TBC1D1: variants seen among roughly 807,000 people sequenced by gnomAD.
The protein encoded by TBC1D1 is TBC1 domain family member 1.
A neutral mutation model predicts 125.6 loss-of-function variants in TBC1D1; 89 were observed. That is an observed-to-expected ratio of 0.71 (90% CI 0.60 to 0.85). The LOEUF is 0.85. Among genes scored for constraint, TBC1D1 ranks in the 40% least tolerant of loss-of-function variants. The pLI, the probability that TBC1D1 is intolerant of heterozygous loss-of-function variation, is 0.00. For synonymous variants in TBC1D1, 565 were observed against 564.1 expected (o/e 1.00, Z -0.02); for missense variants, 1,377 against 1,469.2 (o/e 0.94, Z 1.03).
chr4:38,093,000 A>G (rs961733729), intron 13 of TBC1D1, among the ~76,000 whole-genome samples: 1 of 152,146 alleles, frequency 6.6e-6, no homozygotes, highest in African/African-American at 2.4e-5. Context: ...AGAGAACACA[A>G]ACTCCACACA....
intron 12 of TBC1D1, among the ~76,000 whole-genome samples, chr4:38,084,451 C>T (rs1410997775): frequency 1.3e-5 from 2 of 152,220 alleles, no homozygotes; most frequent in Non-Finnish European, 2.9e-5. Context: ...GCAGGGAACA[C>T]AGAAATCTCT....
At chr4:38,005,350 A>G (rs1350093540) in intron 2 of TBC1D1, among the ~76,000 whole-genome samples, 1 of 152,202 alleles carries the variant, frequency 6.6e-6, no homozygotes, top group Non-Finnish European at 1.5e-5. Flanking sequence ...TGAGATCGTA[A>G]GGTGCTGGCT....
At chr4:38,092,685 A>G (rs1035141915) in intron 13 of TBC1D1, among the ~76,000 whole-genome samples, 1 of 151,836 alleles carries the variant, frequency 6.6e-6, no homozygotes, top group Non-Finnish European at 1.5e-5. Flanking sequence ...CAGTGAGCCA[A>G]GATGGTGCCA....
intron 12 of TBC1D1, among the ~76,000 whole-genome samples, chr4:38,065,467 A>G (rs967115226): frequency 3.3e-5 from 5 of 152,258 alleles, no homozygotes; most frequent in African/African-American, 9.6e-5. Context: ...TAAACAGCAC[A>G]TTGAAAATTA....
At chr4:37,957,502 C>G (rs1253321583) in intron 2 of TBC1D1, among the ~76,000 whole-genome samples, 1 of 152,126 alleles carries the variant, frequency 6.6e-6, no homozygotes, top group Non-Finnish European at 1.5e-5. Flanking sequence ...GCCTGTAGTC[C>G]TAGGTACTCA....
chr4:38,085,743 A>G (rs1355682691), intron 12 of TBC1D1, among the ~76,000 whole-genome samples: 2 of 152,134 alleles, frequency 1.3e-5, no homozygotes, highest in Non-Finnish European at 2.9e-5. Flanking sequence ...TCCTTAGACC[A>G]CCTAACGCAT....
chr4:38,121,596 C>A (rs1302255517), intron 17 of TBC1D1, among the ~76,000 whole-genome samples: 2 of 152,222 alleles, frequency 1.3e-5, no homozygotes, highest in Non-Finnish European at 2.9e-5. Flanking sequence ...AGCTAGGCTA[C>A]TGCCTCACTG....
chr4:38,032,861 A>G (rs1255202260), intron 7 of TBC1D1, among the ~76,000 whole-genome samples: 1 of 151,748 alleles, frequency 6.6e-6, no homozygotes, highest in Non-Finnish European at 1.5e-5. Context: ...AAAAAAAGAA[A>G]GAAAGAATTA....
At chr4:38,052,188 T>G in intron 11 of TBC1D1, 128 bp downstream of exon 12, 2 of 603,406 alleles carry the variant, frequency 3.3e-6, no homozygotes, top group Non-Finnish European at 5.1e-6. Flanking sequence ...TGTGTGTGTG[T>G]GTGTGTGCGC....
chr4:38,126,101 ATGT>A (rs1376495574), intron 18 of TBC1D1, among the ~76,000 whole-genome samples: 1 of 152,216 alleles, frequency 6.6e-6, no homozygotes, highest in African/African-American at 2.4e-5. Context: ...ACACCTACAC[ATGT>A]TGTTCCTAGG....
intron 14 of TBC1D1, among the ~76,000 whole-genome samples, chr4:38,097,899 T>A (rs996099640): frequency 6.6e-6 from 1 of 152,170 alleles, no homozygotes; most frequent in African/African-American, 2.4e-5. Flanking sequence ...TCATGGGAAG[T>A]TATTGTTTGT....
intron 11 of TBC1D1, among the ~76,000 whole-genome samples, 160 bp downstream of exon 11, chr4:38,050,058 C>T (rs1157705335): frequency 6.6e-6 from 1 of 152,176 alleles, no homozygotes; most frequent in Non-Finnish European, 1.5e-5. Context: ...GTTCGAGCTG[C>T]TTGTGAGTAT....
At chr4:37,976,848 T>G (rs1442173696) in intron 2 of TBC1D1, among the ~76,000 whole-genome samples, 1 of 152,230 alleles carries the variant, frequency 6.6e-6, no homozygotes, top group Non-Finnish European at 1.5e-5. Flanking sequence ...GCCCCACTTT[T>G]GGTCTCAATG....
At chr4:38,094,883 C>CAAA (rs528226098) in intron 13 of TBC1D1, among the ~76,000 whole-genome samples, 37 of 61,000 alleles carry the variant, frequency 6.1e-4, no homozygotes, top group African/African-American at 1.3e-3. Context: ...AAATCACAGC[C>CAAA]AAAAAAAAAA....
chr4:38,081,850 T>G (rs1180339950), intron 12 of TBC1D1, among the ~76,000 whole-genome samples: 2 of 152,206 alleles, frequency 1.3e-5, no homozygotes, highest in African/African-American at 4.8e-5. Context: ...ATCAGTTGCC[T>G]GCTCCTTTTC....
At chr4:37,912,029 C>T (rs1718731123) in intron 2 of TBC1D1, among the ~76,000 whole-genome samples, 1 of 152,214 alleles carries the variant, frequency 6.6e-6, no homozygotes, top group South Asian at 2.1e-4. Flanking sequence ...ATAGGTTATA[C>T]TGAACAGTGG....
intron 7 of TBC1D1, among the ~76,000 whole-genome samples, chr4:38,035,080 AAAG>A (rs1418661151): frequency 6.6e-6 from 1 of 152,148 alleles, no homozygotes; most frequent in Non-Finnish European, 1.5e-5. Context: ...TTTTTTAAAG[AAAG>A]AAGAAAGAAA....
At chr4:38,027,953 A>G in intron 7 of TBC1D1, 74 bp downstream of exon 7, 1 of 1,165,630 alleles carries the variant, frequency 8.6e-7, no homozygotes, top group Non-Finnish European at 1.2e-6. Flanking sequence ...ATGTGTAAAA[A>G]ATAGCAAACC....
chr4:38,076,551 G>A (rs1755630333), intron 12 of TBC1D1, among the ~76,000 whole-genome samples: 2 of 152,110 alleles, frequency 1.3e-5, no homozygotes, highest in South Asian at 4.2e-4. Context: ...TCTTAAGGGT[G>A]GTTCCAGACC....
Sources: gnomAD v4.1 joint callset for allele counts (sites outside exome capture counted in the v4.1 genomes callset) on GRCh38, gnomAD v4.1.1 for gene constraint, MANE v1.5 for transcripts, NCBI Gene and HGNC (gene_info 2026-07-23, HGNC 2026-07-21) for gene names.